The following PPM1E variants were observed in gnomAD, a reference collection of about 807,000 sequenced individuals.
PPM1E encodes the protein protein phosphatase, Mg2+/Mn2+ dependent 1E.
In PPM1E, 20 loss-of-function variants were observed where a neutral mutation model predicts 65.9. That is an observed-to-expected ratio of 0.30 (90% CI 0.21 to 0.44). PPM1E has a LOEUF of 0.44. Among genes scored for constraint, PPM1E ranks in the 20% least tolerant of loss-of-function variants. PPM1E has a pLI of 1.00. For missense variants in PPM1E, 713 were observed against 953.1 expected, an observed-to-expected ratio of 0.75 and a Z score of 3.32; for synonymous variants, 352 against 374.9, an observed-to-expected ratio of 0.94 and a Z score of 0.70.
intron 1 of PPM1E, among the ~76,000 whole-genome samples, chr17:58,881,739 G>A (rs1207370786): frequency 6.6e-6 from 1 of 152,050 alleles, no homozygotes; most frequent in Non-Finnish European, 1.5e-5. Flanking sequence ...AGCTACTCAG[G>A]AGGCTGAGGT....
rs1299909234 is a variant in PPM1E, at chr17:58,980,120, C to G, written c.1357C>G (p.His453Asp). Reference protein sequence around the residue: ...PDEAVKVVSDHLKENNGDSSM... With the variant: ...PDEAVKVVSDDLKENNGDSSM... ...TGAGGCAGTGAAAGTTGTGTCCGAC[C>G]ACCTGAAAGAGAATAATGGAGACAG... The change falls in exon 7 of 7, where the codon CAC becomes GAC. Residue 453 changes from histidine to aspartate, a missense_variant. Physicochemically the swap from His to Asp is moderately conservative, Grantham distance 81. Coordinates refer to ENST00000308249, the MANE Select transcript of PPM1E (RefSeq NM_014906.5). The surrounding 1 kb of genome is among the most constrained non-coding windows in gnomAD (Gnocchi z 4.7). 6.2e-7 allele frequency: 1 copy of G among 1,613,972 alleles called. No individual in the cohort carries two copies. The highest frequency in any genetic ancestry group is 8.5e-7 in the Non-Finnish European group (1 of 1,180,016).
intron 1 of PPM1E, among the ~76,000 whole-genome samples, chr17:58,883,986 C>T (rs2051237243): frequency 6.6e-6 from 1 of 152,124 alleles, no homozygotes; most frequent in Non-Finnish European, 1.5e-5. Flanking sequence ...TCAATCGAAT[C>T]GGGGAAGAGG....
At chr17:58,935,097 A>C (rs2143581781) in intron 1 of PPM1E, among the ~76,000 whole-genome samples, 1 of 151,526 alleles carries the variant, frequency 6.6e-6, no homozygotes, top group East Asian at 1.9e-4. Context: ...CTAAAAATGC[A>C]AAAATTAGCT....
chr17:58,840,696 G>A (rs2050709836), intron 1 of PPM1E, among the ~76,000 whole-genome samples: 1 of 151,950 alleles, frequency 6.6e-6, no homozygotes, highest in South Asian at 2.1e-4. Flanking sequence ...AGCACCCAAT[G>A]GGAAAATTTA....
chr17:58,766,196 G>GTTTTTT (rs10604459), intron 1 of PPM1E, among the ~76,000 whole-genome samples: 12 of 65,134 alleles, frequency 1.8e-4, no homozygotes, highest in South Asian at 6.0e-4. Flanking sequence ...TGTAATTTCT[G>GTTTTTT]TTTTTTTTTT....
intron 1 of PPM1E, among the ~76,000 whole-genome samples, chr17:58,877,929 T>C (rs1713107685): frequency 6.6e-6 from 1 of 151,656 alleles, no homozygotes; most frequent in African/African-American, 2.4e-5. Context: ...CCATAAATAA[T>C]AAAAATTTGA....
intron 1 of PPM1E, among the ~76,000 whole-genome samples, chr17:58,816,783 TATATATATA>T (rs1567842261): frequency 7.5e-4 from 9 of 12,042 alleles, no homozygotes; most frequent in East Asian, 1.1e-3. Context: ...TATATATATA[TATATATATA>T]TATTTTTTTT....
chr17:58,872,544 G>GA (rs1269231896), intron 1 of PPM1E, among the ~76,000 whole-genome samples: 1 of 152,154 alleles, frequency 6.6e-6, no homozygotes, highest in Admixed American at 6.6e-5. Flanking sequence ...ATGAGATTCA[G>GA]AAAATATGAT....
chr17:58,776,613 A>G (rs985766576), intron 1 of PPM1E, among the ~76,000 whole-genome samples: 13 of 152,168 alleles, frequency 8.5e-5, no homozygotes, highest in Non-Finnish European at 4.4e-5. Context: ...AAATTCACCA[A>G]ATAGTTTATT....
intron 1 of PPM1E, among the ~76,000 whole-genome samples, chr17:58,903,744 A>G (rs2051523858): frequency 6.6e-6 from 1 of 152,208 alleles, no homozygotes; most frequent in South Asian, 2.1e-4. Flanking sequence ...ATTAATCTGT[A>G]TTTGTGAATA....
At chr17:58,957,342 C>T (rs2029891697) in intron 2 of PPM1E, among the ~76,000 whole-genome samples, 2 of 152,070 alleles carry the variant, frequency 1.3e-5, no homozygotes, top group Admixed American at 1.3e-4. Flanking sequence ...GCAGTGTTGC[C>T]CTACATGCCT....
intron 1 of PPM1E, among the ~76,000 whole-genome samples, chr17:58,906,875 A>T (rs2051564661): frequency 6.6e-6 from 1 of 151,894 alleles, no homozygotes; most frequent in African/African-American, 2.4e-5. Context: ...CTGTGCTTTC[A>T]TTTTCATTTA....
intron 1 of PPM1E, among the ~76,000 whole-genome samples, chr17:58,871,024 A>G (rs2051063186): frequency 6.6e-6 from 1 of 151,902 alleles, no homozygotes; most frequent in Admixed American, 6.6e-5. Flanking sequence ...ATCAGCTGTT[A>G]TGTGTGTTCA....
chr17:58,836,246 C>T (rs914951042), intron 1 of PPM1E, among the ~76,000 whole-genome samples: 3 of 151,742 alleles, frequency 2.0e-5, no homozygotes, highest in African/African-American at 7.3e-5. Context: ...TTTGTGTTAC[C>T]CAGATTAAAA....
chr17:58,903,930 T>C (rs970416316), intron 1 of PPM1E, among the ~76,000 whole-genome samples: 1 of 152,156 alleles, frequency 6.6e-6, no homozygotes, highest in Non-Finnish European at 1.5e-5. Context: ...CAATAGACAC[T>C]AAAGAATAGC....
rs2031329930 is a variant in PPM1E at position 58,981,041 on chromosome 17, C to G, written c.*10C>G. Reference sequence around the variant, plus strand: ...CTATAAAATAGAATAATTTTTCTTTCAAGTAGGTTAGCTAGCTCTCCCCCA... The same window carrying G: ...CTATAAAATAGAATAATTTTTCTTTGAAGTAGGTTAGCTAGCTCTCCCCCA... On this transcript the variant is annotated 3_prime_UTR_variant, in exon 7 of 7. Coordinates refer to ENST00000308249, the MANE Select transcript of PPM1E (RefSeq NM_014906.5). The G allele has an allele frequency of 6.4e-7, 1 of 1,561,730 alleles. No homozygotes were observed.
intron 2 of PPM1E, among the ~76,000 whole-genome samples, chr17:58,960,198 A>T (rs912137237): frequency 1.3e-5 from 2 of 152,172 alleles, no homozygotes; most frequent in African/African-American, 2.4e-5. Flanking sequence ...TTCAGGCTCC[A>T]TGAGGTGGCA....
At chr17:58,825,146 C>T (rs1346009793) in intron 1 of PPM1E, among the ~76,000 whole-genome samples, 1 of 151,232 alleles carries the variant, frequency 6.6e-6, no homozygotes. Context: ...TAACCAAATA[C>T]CACCTGTACC....
chr17:58,939,814 CT>C lies in PPM1E; in HGVS notation c.465-15831del, dbSNP rs572232347. Among the ~76,000 whole-genome samples, 1,054 of 152,120 alleles carry C rather than the reference CT, an allele frequency of 6.9e-3. 7 individuals carry two copies. The highest frequency in any genetic ancestry group is 9.4e-3 in the Admixed American group (144 of 15,276). On this transcript the variant is annotated intron_variant, in intron 1 of 6. Coordinates refer to ENST00000308249, the MANE Select transcript of PPM1E (RefSeq NM_014906.5). Reference sequence around the variant, plus strand: ...AATTGGTATGTATGGAAAAACTTTCCTTTTGTTCTCAGGATGTGAATTGCTT... The same window carrying C: ...AATTGGTATGTATGGAAAAACTTTCCTTTGTTCTCAGGATGTGAATTGCTT...
Sources: gnomAD v4.1 joint callset for allele counts (sites outside exome capture counted in the v4.1 genomes callset) on GRCh38, gnomAD v4.1.1 for gene constraint, Gnocchi (gnomAD v3.1) non-coding constraint, MANE v1.5 for transcripts, NCBI Gene and HGNC (gene_info 2026-07-23, HGNC 2026-07-21) for gene names.